The following ESR1 variants were observed in gnomAD, a reference collection of about 807,000 sequenced individuals.
ESR1 encodes the protein estrogen receptor 1.
A neutral mutation model predicts 52.7 loss-of-function variants in ESR1; 12 were observed. The ratio of observed to expected loss-of-function variants is 0.23; its 90% CI spans 0.15 to 0.37. The LOEUF (loss-of-function observed/expected upper bound fraction) is 0.37, where lower values mean the gene tolerates loss of function less well. Ranked by LOEUF, ESR1 falls within the 10% of genes least tolerant of loss-of-function variation. The pLI is 1.00. For missense variants in ESR1, 584 were observed against 779.7 expected (o/e 0.75, Z 2.99); for synonymous variants, 305 against 316.8 (o/e 0.96, Z 0.39).
At chr6:151,951,737 A>G (rs1002127089) in intron 4 of ESR1, among the ~76,000 whole-genome samples, 1 of 152,192 alleles carries the variant, frequency 6.6e-6, no homozygotes, top group Admixed American at 6.5e-5. Flanking sequence ...CTTTGAACCA[A>G]CTTGAAAAGT....
chr6:152,116,183 A>G (rs2051208729), intron 6 of ESR1, among the ~76,000 whole-genome samples: 1 of 152,258 alleles, frequency 6.6e-6, no homozygotes, highest in African/African-American at 2.4e-5. Context: ...TTACTAAAAG[A>G]AGAATGTACA....
At chr6:151,794,196 A>G (rs1052599333) in intron 2 of ESR1, among the ~76,000 whole-genome samples, 3 of 152,240 alleles carry the variant, frequency 2.0e-5, no homozygotes, top group Admixed American at 6.5e-5. Context: ...AACCATAAAT[A>G]TAAGACCTTT....
intron 2 of ESR1, among the ~76,000 whole-genome samples, chr6:151,777,733 T>C (rs1429585832): frequency 6.6e-6 from 1 of 151,920 alleles, no homozygotes; most frequent in Non-Finnish European, 1.5e-5. Context: ...ACTGAGGCAG[T>C]TGGATCACCT....
chr6:152,004,667 C>T (rs1454796281), intron 4 of ESR1, among the ~76,000 whole-genome samples: 1 of 151,660 alleles, frequency 6.6e-6, no homozygotes, highest in Non-Finnish European at 1.5e-5. Flanking sequence ...AAAAAAAAAT[C>T]TCAGAGTAAG....
intron 5 of ESR1, among the ~76,000 whole-genome samples, chr6:152,012,860 G>T (rs2042891848): frequency 6.6e-6 from 1 of 152,192 alleles, no homozygotes; most frequent in Admixed American, 6.5e-5. Context: ...TCTCTGCATG[G>T]TACTTTACTT....
chr6:151,973,450 T>C (rs2039116619), intron 4 of ESR1, among the ~76,000 whole-genome samples: 1 of 152,216 alleles, frequency 6.6e-6, no homozygotes, highest in Non-Finnish European at 1.5e-5. Flanking sequence ...CTGCAGAGTC[T>C]GCAGAGGTGA....
chr6:152,063,644 G>A (rs1165316031), intron 6 of ESR1, among the ~76,000 whole-genome samples: 1 of 152,182 alleles, frequency 6.6e-6, no homozygotes. Flanking sequence ...CTGGAGATAT[G>A]GATTTTTCTA....
At chr6:151,939,706 G>GATCC (rs1421824151) in intron 3 of ESR1, among the ~76,000 whole-genome samples, 3 of 151,932 alleles carry the variant, frequency 2.0e-5, no homozygotes, top group African/African-American at 7.2e-5. Context: ...TGTAGAAGAG[G>GATCC]ATCCATTCTT....
chr6:152,023,496 C>A (rs2043860165), intron 5 of ESR1, among the ~76,000 whole-genome samples: 1 of 152,118 alleles, frequency 6.6e-6, no homozygotes, highest in Non-Finnish European at 1.5e-5. Context: ...TATCATACAT[C>A]AGTAGGCATT....
At chr6:151,706,338 T>G (rs542762310) in intron 2 of ESR1, among the ~76,000 whole-genome samples, 1 of 152,350 alleles carries the variant, frequency 6.6e-6, no homozygotes, top group African/African-American at 2.4e-5. Context: ...TTCAACTGAC[T>G]TTGGCAACAG....
At chr6:151,899,475 G>A (rs1444003225) in intron 3 of ESR1, among the ~76,000 whole-genome samples, 68 of 144,318 alleles carry the variant, frequency 4.7e-4, no homozygotes, top group Non-Finnish European at 9.2e-4. Flanking sequence ...CCAGGCGGGG[G>A]GCTGACCCCC....
At chr6:151,980,314 A>T (rs887354051) in intron 4 of ESR1, among the ~76,000 whole-genome samples, 1 of 152,334 alleles carries the variant, frequency 6.6e-6, no homozygotes, top group Admixed American at 6.5e-5. Context: ...TAGAGTGTCC[A>T]AAAAATTGTT....
At chr6:151,754,272 T>C (rs1486547019) in intron 2 of ESR1, among the ~76,000 whole-genome samples, 2 of 151,622 alleles carry the variant, frequency 1.3e-5, no homozygotes, top group African/African-American at 4.8e-5. Flanking sequence ...CTAAGAAGTG[T>C]CTATTATTAT....
intron 2 of ESR1, among the ~76,000 whole-genome samples, chr6:151,740,027 T>C (rs1451971178): frequency 1.3e-5 from 2 of 152,216 alleles, no homozygotes. Context: ...ACTTTAGACT[T>C]ATGCCTGTAT....
At position 152,060,052 on chromosome 6, in the gene ESR1, C is replaced by CA. The variant is rs201632633; in HGVS notation, c.1236-935dup. ...TCTAACCCCGTCAAACACATCATGC[C>CA]AAAATTCAACTTGTGATAAAGAAAA... On this transcript the variant is annotated intron_variant, in intron 5 of 7. Transcript: ENST00000206249. Among the ~76,000 whole-genome samples the CA allele has an allele frequency of 6.4e-3, 979 of 152,072 alleles. 41 individuals carry two copies. Among genetic ancestry groups the CA allele is most frequent in the Non-Finnish European group, 1.7e-3 (113 of 67,988 alleles).
At chr6:151,667,230 C>T (rs939377018) in intron 1 of ESR1, among the ~76,000 whole-genome samples, 1 of 152,038 alleles carries the variant, frequency 6.6e-6, no homozygotes, top group South Asian at 2.1e-4. Context: ...CAATACTTTA[C>T]ATATCAGAAC....
chr6:151,922,413 G>A (rs971552887), intron 3 of ESR1, among the ~76,000 whole-genome samples: 1 of 152,132 alleles, frequency 6.6e-6, no homozygotes, highest in African/African-American at 2.4e-5. Context: ...ATTTGGAAGT[G>A]TCTATTCTCC....
At chr6:151,678,967 G>A (rs1475848022) in intron 1 of ESR1, among the ~76,000 whole-genome samples, 1 of 152,158 alleles carries the variant, frequency 6.6e-6, no homozygotes. Context: ...TTACAGGCAT[G>A]AGCCACCACA....
chr6:151,692,933 C>A (rs758010540), intron 1 of ESR1, among the ~76,000 whole-genome samples: 1 of 152,234 alleles, frequency 6.6e-6, no homozygotes, highest in Non-Finnish European at 1.5e-5. Context: ...AGGTTTTCCA[C>A]AGCAGATCAC....
Sources: gnomAD v4.1 joint callset for allele counts (sites outside exome capture counted in the v4.1 genomes callset) on GRCh38, gnomAD v4.1.1 for gene constraint, MANE v1.5 for transcripts, NCBI Gene and HGNC (gene_info 2026-07-23, HGNC 2026-07-21) for gene names.